LITAF: variants seen among roughly 807,000 people sequenced by gnomAD.
LITAF encodes the protein lipopolysaccharide-induced tumor necrosis factor-alpha factor.
LITAF carries 9 observed loss-of-function variants against 14.5 expected under a neutral mutation model. The ratio of observed to expected loss-of-function variants is 0.62; its 90% CI spans 0.37 to 1.08. The LOEUF is 1.08. LITAF is among the 50% of genes least tolerant of loss of function. The pLI, the probability that LITAF is intolerant of heterozygous loss-of-function variation, is 0.01. For synonymous variants in LITAF, 98 were observed against 88.2 expected (o/e 1.11, Z -0.62); for missense variants, 206 against 213.4 (o/e 0.97, Z 0.22).
At chr16:11,623,669 A>C (rs192870082) in intron 3 of LITAF, among the ~76,000 whole-genome samples, 5 of 148,116 alleles carry the variant, frequency 3.4e-5, no homozygotes, top group Admixed American at 3.4e-4. Flanking sequence ...CAAAAAAAAA[A>C]AAGGATCTCT....
intron 1 of LITAF, among the ~76,000 whole-genome samples, chr16:11,573,633 A>G (rs1424845773): frequency 6.6e-6 from 1 of 151,562 alleles, no homozygotes; most frequent in African/African-American, 2.4e-5. Context: ...ATATACTATC[A>G]TGTTTAATGA....
Position 11,604,098 on chromosome 16 carries a change from G to T in LITAF, c.85+29435C>A, listed in dbSNP as rs12927069. On this transcript the variant is annotated intron_variant, in intron 3 of 3. Coordinates refer to the LITAF transcript ENST00000574848. Reference sequence around the variant, plus strand: ...TAACTCCAGCACTTTGGGAGGCTGAGGCAGGAGGATTGCTTGAGCCCAGGA... The same window carrying T: ...TAACTCCAGCACTTTGGGAGGCTGATGCAGGAGGATTGCTTGAGCCCAGGA... Among the ~76,000 whole-genome samples, 10 of 152,080 alleles carry T rather than the reference G, an allele frequency of 6.6e-5. 1 individual carries two copies. The Middle Eastern group carries it at 0.017, about 262-fold the overall frequency.
At chr16:11,609,389 T>A (rs1451664562) in intron 3 of LITAF, among the ~76,000 whole-genome samples, 1 of 151,982 alleles carries the variant, frequency 6.6e-6, no homozygotes, top group Non-Finnish European at 1.5e-5. Flanking sequence ...TTTTTTTGTA[T>A]TTTTAGTAGA....
chr16:11,605,698 C>T lies in LITAF; in HGVS notation c.85+27835G>A, dbSNP rs2064951719. Reference sequence around the variant, plus strand: ...GGAGGATCGCTGGAGGCCAGGAGTTCGAAGCTGCAGTGAGCTATGATTGCA... The same window carrying T: ...GGAGGATCGCTGGAGGCCAGGAGTTTGAAGCTGCAGTGAGCTATGATTGCA... On this transcript the variant is annotated intron_variant, in intron 3 of 3. Transcript: ENST00000574848. The surrounding 1 kb of genome is among the most constrained non-coding windows in gnomAD (Gnocchi z 4.7). Among the ~76,000 whole-genome samples, 2 of 152,266 alleles carry T rather than the reference C, an allele frequency of 1.3e-5. No individual in the cohort carries two copies. Among genetic ancestry groups the T allele is most frequent in the South Asian group, 2.1e-4 (1 of 4,830 alleles).
chr16:11,635,775 G>T (rs2065135716), intron 2 of LITAF: 1 of 152,198 alleles, frequency 6.6e-6, no homozygotes, highest in African/African-American at 2.4e-5. Flanking sequence ...TGGATTAAAA[G>T]CTTTCCTCTG....
intron 1 of LITAF, among the ~76,000 whole-genome samples, chr16:11,593,293 T>C (rs2064859539): frequency 2.0e-5 from 3 of 148,124 alleles, no homozygotes; most frequent in Admixed American, 1.4e-4. Context: ...GAGGCAGATG[T>C]TGCAGTGAGC....
chr16:11,568,623 G>A (rs2064493244), intron 1 of LITAF, among the ~76,000 whole-genome samples: 1 of 151,174 alleles, frequency 6.6e-6, no homozygotes, highest in Admixed American at 6.6e-5. Context: ...TTGCTACCGT[G>A]TAAGTGCTCC....
At chr16:11,571,930 C>T (rs558590695) in intron 1 of LITAF, among the ~76,000 whole-genome samples, 3 of 151,866 alleles carry the variant, frequency 2.0e-5, no homozygotes, top group African/African-American at 7.2e-5. Flanking sequence ...AACTCTGTCT[C>T]TTTTTTTAAT....
At position 11,632,688 on chromosome 16, in the gene LITAF, C is replaced by A. The variant is rs942641042; in HGVS notation, c.85+845G>T. ...ACCCCAGGCCCAAGGCAGATGCCACCCAGGCCCTTCTTTCGGTTCTGCAAA... is the reference window on the plus strand; with the variant it reads ...ACCCCAGGCCCAAGGCAGATGCCACACAGGCCCTTCTTTCGGTTCTGCAAA... On this transcript the variant is annotated intron_variant, in intron 3 of 3. Transcript: ENST00000574848. This position sits in a 1 kb window ranked among gnomAD's most constrained non-coding sequence, Gnocchi z 4.8. Among the ~76,000 whole-genome samples, 2 of 152,158 alleles carry A rather than the reference C, an allele frequency of 1.3e-5. No individual in the cohort carries two copies. The highest frequency in any genetic ancestry group is 2.9e-5 in the Non-Finnish European group (2 of 68,022).
intron 1 of LITAF, among the ~76,000 whole-genome samples, chr16:11,560,231 A>C (rs1009122244): frequency 2.0e-5 from 3 of 151,892 alleles, no homozygotes; most frequent in South Asian, 2.1e-4. Context: ...CGGGAGGTGG[A>C]GGTTGCAGGG....
At chr16:11,554,218 C>T (rs1056873428) in intron 2 of LITAF, among the ~76,000 whole-genome samples, 5 of 151,946 alleles carry the variant, frequency 3.3e-5, no homozygotes, top group African/African-American at 9.7e-5. Context: ...GACAACAGAG[C>T]GACGCTCAGT....
intron 1 of LITAF, among the ~76,000 whole-genome samples, chr16:11,576,181 GA>G (rs2064629095): frequency 6.6e-6 from 1 of 151,938 alleles, no homozygotes. Context: ...TTCTAAAATC[GA>G]TCCCAGCTGG....
chr16:11,595,392 C>T, intron 1 of LITAF, among the ~76,000 whole-genome samples: 1 of 152,104 alleles, frequency 6.6e-6, no homozygotes, highest in East Asian at 1.9e-4. Context: ...AGCTCATGGG[C>T]AGAGGGAGGC....
At chr16:11,613,164 C>T (rs921651985) in intron 3 of LITAF, among the ~76,000 whole-genome samples, 2 of 152,130 alleles carry the variant, frequency 1.3e-5, no homozygotes, top group Non-Finnish European at 2.9e-5. Context: ...CTCATCCTCC[C>T]GAGTAGCTGG....
chr16:11,627,574 C>T (rs552451952), intron 3 of LITAF, among the ~76,000 whole-genome samples: 29 of 152,316 alleles, frequency 1.9e-4, no homozygotes, highest in Non-Finnish European at 7.3e-5. Context: ...CTGGGAGTGG[C>T]GGCTCACGCC....
intron 1 of LITAF, among the ~76,000 whole-genome samples, chr16:11,559,554 G>A (rs2064325906): frequency 6.6e-6 from 1 of 151,592 alleles, no homozygotes. Flanking sequence ...AATACACCCT[G>A]GGTTTCAAAA....
Position 11,553,505 on chromosome 16 carries a change from C to T in LITAF, c.377+28G>A, listed in dbSNP as rs768964222. The stretch of plus-strand genomic sequence containing the variant: ...GCACCCAGAGAGAAGGGCAGGATGG[C>T]TTGGGGCCAAGTGGGAGGCAGACTC... On this transcript the variant is annotated intron_variant, in intron 3 of 3. Transcript: ENST00000622633. This position sits in a 1 kb window ranked among gnomAD's most constrained non-coding sequence, Gnocchi z 7.7. 2 of 1,613,292 alleles carry T rather than the reference C, an allele frequency of 1.2e-6. No individual in the cohort carries two copies. The highest frequency in any genetic ancestry group is 1.7e-6 in the Non-Finnish European group (2 of 1,179,818).
intron 1 of LITAF, among the ~76,000 whole-genome samples, chr16:11,569,128 G>A (rs1400380690): frequency 1.3e-5 from 2 of 152,200 alleles, no homozygotes; most frequent in African/African-American, 4.8e-5. Context: ...TTGAGCAGCT[G>A]AACAGGACGC....
chr16:11,597,814 C>T (rs1253807691), intron 1 of LITAF, among the ~76,000 whole-genome samples: 2 of 152,306 alleles, frequency 1.3e-5, no homozygotes, highest in South Asian at 2.1e-4. Context: ...GCTCCAGCCC[C>T]GTCATTTTAT....
Sources: allele counts gnomAD v4.1 joint callset (sites outside exome capture counted in the v4.1 genomes callset), GRCh38; gene constraint gnomAD v4.1.1; non-coding constraint Gnocchi (gnomAD v3.1); transcripts MANE v1.5; gene names NCBI Gene and HGNC (gene_info 2026-07-23, HGNC 2026-07-21).